Variants in XYLT1 observed in about 807,000 individuals in gnomAD.
XYLT1 encodes the protein beta-D-xylosyltransferase 1.
A neutral mutation model predicts 91.3 loss-of-function variants in XYLT1; 36 were observed. The ratio of observed to expected loss-of-function variants is 0.39; its 90% CI spans 0.30 to 0.52. The LOEUF is 0.52. Among genes scored for constraint, XYLT1 ranks in the 20% least tolerant of loss-of-function variants. The probability of loss-of-function intolerance (pLI) is 0.68; values close to 1 mark genes in which losing one functional copy is unlikely to be tolerated. For synonymous variants in XYLT1, 588 were observed against 532.0 expected, an observed-to-expected ratio of 1.11 and a Z score of -1.45; for missense variants, 1,242 against 1,284.5, an observed-to-expected ratio of 0.97 and a Z score of 0.51.
intron 2 of XYLT1, among the ~76,000 whole-genome samples, chr16:17,279,360 A>T (rs950472807): frequency 6.6e-6 from 1 of 152,212 alleles, no homozygotes; most frequent in Admixed American, 6.5e-5. Flanking sequence ...TACTAGTATG[A>T]TCATTAATAG....
Position 17,120,474 on chromosome 16 carries a change from C to T in XYLT1, c.2224-2495G>A, listed in dbSNP as rs1324831762. Among the ~76,000 whole-genome samples, 5 of 152,010 alleles carry T rather than the reference C, an allele frequency of 3.3e-5. No individual in the cohort carries two copies. The South Asian group carries it at 1.0e-3, about 32-fold the overall frequency. ...GAAGGGCTCTGTGTTTCCTCTTGAT[C>T]TTCTGGCCATGATCCGCCTGTTCTC... On this transcript the variant is annotated intron_variant, in intron 10 of 11. Transcript: ENST00000261381.
intron 3 of XYLT1, among the ~76,000 whole-genome samples, chr16:17,240,540 G>T (rs1427238745): frequency 6.6e-6 from 1 of 152,204 alleles, no homozygotes; most frequent in African/African-American, 2.4e-5. Flanking sequence ...AGAAGAGACA[G>T]AGAGAGAAAT....
chr16:17,226,777 T>C (rs1217181958), intron 3 of XYLT1, among the ~76,000 whole-genome samples: 1 of 152,190 alleles, frequency 6.6e-6, no homozygotes, highest in Non-Finnish European at 1.5e-5. Flanking sequence ...AGTGAAACCC[T>C]GTCTCAAAAA....
chr16:17,242,171 T>C (rs947988640), intron 3 of XYLT1, among the ~76,000 whole-genome samples: 7 of 152,162 alleles, frequency 4.6e-5, no homozygotes, highest in African/African-American at 1.7e-4. Flanking sequence ...GAGATTTGGG[T>C]GGGGACACAG....
At chr16:17,357,405 C>G (rs1002227181) in intron 2 of XYLT1, among the ~76,000 whole-genome samples, 5 of 152,190 alleles carry the variant, frequency 3.3e-5, no homozygotes, top group Admixed American at 2.6e-4. Context: ...CTGTTGAACT[C>G]CAAGGCCTAT....
intron 2 of XYLT1, among the ~76,000 whole-genome samples, chr16:17,293,961 A>G (rs191588020): frequency 6.6e-6 from 1 of 152,300 alleles, no homozygotes; most frequent in Non-Finnish European, 1.5e-5. Context: ...CTGGGGTCAG[A>G]GAAGAATGGG....
intron 2 of XYLT1, among the ~76,000 whole-genome samples, chr16:17,318,577 C>T (rs34795406): frequency 0.35 from 52,662 of 152,070 alleles, 10,113 homozygotes; most frequent in Admixed American, 0.53. Flanking sequence ...CAAAATGCAA[C>T]GTCATGCAAT....
chr16:17,220,591 G>A (rs551977321), intron 3 of XYLT1, among the ~76,000 whole-genome samples: 1 of 152,210 alleles, frequency 6.6e-6, no homozygotes, highest in Non-Finnish European at 1.5e-5. Flanking sequence ...TCCTGCCTCA[G>A]CCTCCCGAGT....
intron 1 of XYLT1, among the ~76,000 whole-genome samples, chr16:17,390,174 C>T (rs565645332): frequency 6.0e-4 from 91 of 152,234 alleles, no homozygotes; most frequent in African/African-American, 2.2e-3. Flanking sequence ...GAAACAAACT[C>T]AACAGGGGGA....
At position 17,259,330 on chromosome 16, in the gene XYLT1, CCTT is replaced by C; in HGVS notation, c.568_570del (p.Lys190del). On this transcript the variant is annotated inframe_deletion, in exon 3 of 12. Coordinates refer to ENST00000261381, the MANE Select transcript of XYLT1 (RefSeq NM_022166.4). ...TGTTCCAGCTTCCTTTTCAAAAGCT[CCTT>C]CTGTCTACTCGGTGGCTTCTTCGCC... 1 of 1,614,170 alleles carries C rather than the reference CCTT, an allele frequency of 6.2e-7. No individual in the cohort carries two copies. The highest frequency in any genetic ancestry group is 8.5e-7 in the Non-Finnish European group (1 of 1,180,032).
intron 11 of XYLT1, among the ~76,000 whole-genome samples, chr16:17,112,583 C>T (rs1597126628): frequency 6.6e-6 from 1 of 152,070 alleles, no homozygotes; most frequent in Non-Finnish European, 1.5e-5. Flanking sequence ...CAGCCATTTA[C>T]TCCCCTCTCC....
chr16:17,450,709 G>A (rs551457617), intron 1 of XYLT1, among the ~76,000 whole-genome samples: 25 of 152,264 alleles, frequency 1.6e-4, no homozygotes, highest in African/African-American at 5.5e-4. Context: ...CCTGAAAGTC[G>A]AGATCACTTT....
chr16:17,417,914 G>T (rs1305518422), intron 1 of XYLT1, among the ~76,000 whole-genome samples: 1 of 152,186 alleles, frequency 6.6e-6, no homozygotes, highest in Non-Finnish European at 1.5e-5. Context: ...AGACACACAG[G>T]ATAGACCATG....
At chr16:17,406,817 TTCAC>T (rs2036039331) in intron 1 of XYLT1, among the ~76,000 whole-genome samples, 1 of 152,082 alleles carries the variant, frequency 6.6e-6, no homozygotes, top group South Asian at 2.1e-4. Flanking sequence ...CTTTTCCTTG[TTCAC>T]TCAATGTTCC....
chr16:17,412,776 A>G (rs948745646), intron 1 of XYLT1, among the ~76,000 whole-genome samples: 1 of 152,182 alleles, frequency 6.6e-6, no homozygotes, highest in Non-Finnish European at 1.5e-5. Context: ...TACTTTCCCA[A>G]ACAAGGAATA....
Position 17,334,815 on chromosome 16 carries a change from G to A in XYLT1, c.402+23197C>T, listed in dbSNP as rs189267072. On this transcript the variant is annotated intron_variant, in intron 2 of 11. Coordinates refer to ENST00000261381, the MANE Select transcript of XYLT1 (RefSeq NM_022166.4). ...GGAGAATGGCGTGAACCTAGGAGGC[G>A]GAGCTTGCAGTGAGCTGAGATCGCA... Among the ~76,000 whole-genome samples, 33 of 151,908 alleles carry A rather than the reference G, an allele frequency of 2.2e-4. No homozygotes were observed. In the East Asian group the frequency reaches 3.5e-3, roughly 16 times the overall value.
At chr16:17,349,279 T>C (rs1294923216) in intron 2 of XYLT1, among the ~76,000 whole-genome samples, 1 of 152,236 alleles carries the variant, frequency 6.6e-6, no homozygotes, top group Non-Finnish European at 1.5e-5. Flanking sequence ...ATCTAATACA[T>C]ATCAAATCTC....
At chr16:17,267,199 T>G (rs190285981) in intron 2 of XYLT1, among the ~76,000 whole-genome samples, 115 of 152,322 alleles carry the variant, frequency 7.5e-4, no homozygotes, top group Non-Finnish European at 1.3e-3. Context: ...GTTTAACCTC[T>G]CAGAGCCTCA....
chr16:17,178,106 T>C (rs1597171646), intron 5 of XYLT1, among the ~76,000 whole-genome samples: 1 of 152,120 alleles, frequency 6.6e-6, no homozygotes, highest in Non-Finnish European at 1.5e-5. Context: ...ATGCTCTGGC[T>C]GGCAGGAACT....
Sources: allele counts gnomAD v4.1 joint callset (sites outside exome capture counted in the v4.1 genomes callset), GRCh38; gene constraint gnomAD v4.1.1; transcripts MANE v1.5; gene names NCBI Gene and HGNC (gene_info 2026-07-23, HGNC 2026-07-21).